TNC: variants seen among roughly 807,000 people sequenced by gnomAD.
The protein encoded by TNC is tenascin.
Under a neutral mutation model 202.4 loss-of-function variants are expected in TNC, and 109 were observed. The ratio of observed to expected loss-of-function variants is 0.54; its 90% CI spans 0.46 to 0.63. The LOEUF (loss-of-function observed/expected upper bound fraction) is 0.63. Among genes scored for constraint, TNC ranks in the 30% least tolerant of loss-of-function variants. TNC has a pLI of 0.00. For synonymous variants in TNC, 1,007 were observed against 1,089.7 expected (o/e 0.92, Z 1.50); for missense variants, 2,756 against 2,833.3 (o/e 0.97, Z 0.62).
At position 115,026,462 on chromosome 9, in the gene TNC, T is replaced by C. The variant is rs547745661; in HGVS notation, c.6331+72A>G. 97 of 1,499,200 alleles carry C rather than the reference T, an allele frequency of 6.5e-5. 2 individuals are homozygous for C. The highest frequency in any genetic ancestry group is 3.5e-4 in the South Asian group (29 of 83,190). 92.9% of individuals were successfully genotyped at this position (1,499,200 alleles called of 1,614,324 possible). A position where few individuals can be genotyped will look rare whatever the true frequency, so the allele number is the denominator to read the frequency against. On this transcript the variant is annotated intron_variant, in intron 26 of 27. Coordinates refer to ENST00000350763, the MANE Select transcript of TNC (RefSeq NM_002160.4). ...GGATTAATGAGGAAGGAATGAAAGT[T>C]AGAGAAATAAACTGTAAATGTCAAG...
Position 115,062,912 on chromosome 9 carries a change from T to C in TNC, c.4033+5A>G. 1 of 1,611,612 alleles carries C rather than the reference T, an allele frequency of 6.2e-7. No homozygotes were observed. Among genetic ancestry groups the C allele is most frequent in the Non-Finnish European group, 8.5e-7 (1 of 1,178,392 alleles). ...TGTCTCCAGTCTGGGAGGAGGGTCATATACCTGTGACGACCTCTACAGCAA... is the reference window on the plus strand; with the variant it reads ...TGTCTCCAGTCTGGGAGGAGGGTCACATACCTGTGACGACCTCTACAGCAA... On this transcript the variant is annotated splice_donor_5th_base_variant and intron_variant, in intron 13 of 27. Transcript: ENST00000350763.
chr9:115,047,838 T>A (rs17240680), intron 16 of TNC, among the ~76,000 whole-genome samples: 24,654 of 152,110 alleles, frequency 0.16, 2,133 homozygotes, highest in African/African-American at 0.19. Flanking sequence ...GCCCACTGGG[T>A]AAGTTTGTTA....
chr9:115,072,911 C>T (rs1254225202), intron 10 of TNC, among the ~76,000 whole-genome samples: 4 of 152,150 alleles, frequency 2.6e-5, no homozygotes, highest in African/African-American at 7.2e-5. Flanking sequence ...ACCTGGTTGT[C>T]TCTTCAGTTT....
intron 1 of TNC, among the ~76,000 whole-genome samples, chr9:115,099,936 G>T (rs1836100913): frequency 6.6e-6 from 1 of 152,178 alleles, no homozygotes; most frequent in African/African-American, 2.4e-5. Flanking sequence ...AAAATGAGGA[G>T]GCTGTGGCTA....
intron 1 of TNC, among the ~76,000 whole-genome samples, chr9:115,115,591 T>C (rs1837403097): frequency 6.6e-6 from 1 of 152,262 alleles, no homozygotes; most frequent in African/African-American, 2.4e-5. Context: ...TTAGAATTAA[T>C]TAAAATAGCC....
chr9:115,091,148 TTATTTTC>T lies in TNC; in HGVS notation c.-136-1_-131del. On this transcript the variant is annotated splice_acceptor_variant and 5_prime_UTR_variant, in exon 2 of 28. Coordinates refer to ENST00000350763, the MANE Select transcript of TNC (RefSeq NM_002160.4). LOFTEE classifies it low-confidence loss of function (5UTR_SPLICE). Reference sequence around the variant, plus strand: ...GTTGTCCCTGATCTTCTTGAAAGAATTATTTTCTACAAGCAAAGATGAACAAAAAAAT... The same window carrying T: ...GTTGTCCCTGATCTTCTTGAAAGAATTACAAGCAAAGATGAACAAAAAAAT... The T allele has an allele frequency of 1.4e-6, 1 of 724,070 alleles. No homozygotes were observed. Among genetic ancestry groups the T allele is most frequent in the Non-Finnish European group, 2.2e-6 (1 of 449,648 alleles). 44.9% of individuals were successfully genotyped at this position (724,070 alleles called of 1,614,324 possible).
chr9:115,064,533 A>G, intron 11 of TNC, 114 bp downstream of exon 11: 1 of 1,335,560 alleles, frequency 7.5e-7, no homozygotes, highest in Middle Eastern at 2.8e-4. Flanking sequence ...ATTAGACCCC[A>G]TAGACATAAG....
intron 14 of TNC, among the ~76,000 whole-genome samples, chr9:115,058,444 C>T (rs1020874818): frequency 6.6e-6 from 1 of 152,152 alleles, no homozygotes; most frequent in Non-Finnish European, 1.5e-5. Flanking sequence ...TGAGGACACC[C>T]AAGCCACAAG....
intron 6 of TNC, among the ~76,000 whole-genome samples, chr9:115,078,742 G>C (rs903993110): frequency 6.6e-6 from 1 of 152,196 alleles, no homozygotes; most frequent in African/African-American, 2.4e-5. Context: ...ACGCAAGAAA[G>C]TCATTGCTAT....
chr9:115,080,545 C>T (rs545158454), intron 6 of TNC, among the ~76,000 whole-genome samples: 4 of 152,248 alleles, frequency 2.6e-5, no homozygotes, highest in Admixed American at 1.3e-4. Context: ...AAAGAGTTGG[C>T]GCATATGTTA....
chr9:115,029,038 A>AC (rs1324302778), intron 25 of TNC, among the ~76,000 whole-genome samples: 5 of 145,692 alleles, frequency 3.4e-5, no homozygotes, highest in African/African-American at 1.3e-4. Flanking sequence ...ATCTCTGGAA[A>AC]AAAAAAAAAA....
intron 15 of TNC, among the ~76,000 whole-genome samples, chr9:115,052,381 C>G (rs2132297597): frequency 6.6e-6 from 1 of 151,804 alleles, no homozygotes; most frequent in African/African-American, 2.4e-5. Context: ...TTTTAGTGAT[C>G]TACTGCACAG....
At chr9:115,065,310 C>T (rs6478130) in intron 10 of TNC, among the ~76,000 whole-genome samples, 11,923 of 152,076 alleles carry the variant, frequency 0.078, 627 homozygotes, top group Non-Finnish European at 0.12. Context: ...GCAGGAGAAT[C>T]GCTTGAACAC....
chr9:115,062,743 C>A (rs933639739), intron 13 of TNC, among the ~76,000 whole-genome samples, 174 bp downstream of exon 13: 5 of 151,510 alleles, frequency 3.3e-5, no homozygotes, highest in Non-Finnish European at 7.4e-5. Flanking sequence ...CACATATAGT[C>A]CCAAGAATAT....
chr9:115,025,613 A>C (rs1397761564), intron 26 of TNC, among the ~76,000 whole-genome samples: 1 of 151,982 alleles, frequency 6.6e-6, no homozygotes, highest in African/African-American at 2.4e-5. Context: ...CCAGGATTGC[A>C]TCCACCTTCT....
chr9:115,085,323 A>G (rs2133416193), intron 3 of TNC, among the ~76,000 whole-genome samples: 2 of 152,382 alleles, frequency 1.3e-5, no homozygotes, highest in African/African-American at 4.8e-5. Context: ...TCTTGTAGAT[A>G]ATAGGCATTT....
At position 115,057,347 on chromosome 9, in the gene TNC, T is replaced by C. The variant is rs1245233024; in HGVS notation, c.4385A>G (p.Asp1462Gly). ...ESFNLSWMAT[D>G]GIFETFTIEI... ...AATGGTAAAGGTCTCGAAGATCCCA[T>C]CGGTAGCCATCCAGGAGAGATTGAA... Residue 1462 changes from aspartate (D) to glycine (G), a missense_variant, in exon 15 of 28, where the codon GAT (aspartate) becomes GGT (glycine). Asp to Gly is a moderately conservative substitution (Grantham distance 94, BLOSUM62 -1). This residue lies in a region of TNC where 2,559 missense variants were observed against 2,546.0 expected (regional missense o/e 1.01). Transcript: ENST00000350763. 6.2e-7 allele frequency: 1 copy of C among 1,614,134 alleles called. No individual in the cohort carries two copies.
At chr9:115,052,123 A>G (rs935723078) in intron 15 of TNC, among the ~76,000 whole-genome samples, 1 of 151,034 alleles carries the variant, frequency 6.6e-6, no homozygotes, top group African/African-American at 2.4e-5. Flanking sequence ...AATACTTTAT[A>G]GCCTTAAAAA....
rs762297081 is a variant in TNC, at chr9:115,029,348, G to C, written c.6169+12C>G. On this transcript the variant is annotated intron_variant, in intron 25 of 27. Transcript: ENST00000350763. ...CAGGCATTTTAGATATAAACATGCA[G>C]GGCTGCATTACCAAGCCAGAATTCT... The C allele has an allele frequency of 3.7e-6, 6 of 1,612,728 alleles. No individual in the cohort carries two copies. Among genetic ancestry groups the C allele is most frequent in the African/African-American group, 1.3e-5 (1 of 74,852 alleles).
Sources: gnomAD v4.1 joint callset for allele counts (sites outside exome capture counted in the v4.1 genomes callset) on GRCh38, gnomAD v4.1.1 for gene constraint, gnomAD v4.1.1 regional missense constraint, MANE v1.5 for transcripts, NCBI Gene and HGNC (gene_info 2026-07-23, HGNC 2026-07-21) for gene names.